The following MTF1 variants were observed in gnomAD, a reference collection of about 807,000 sequenced individuals.
The protein encoded by MTF1 is MRE-binding transcription factor.
A neutral mutation model predicts 70.4 loss-of-function variants in MTF1; 22 were observed. The observed-to-expected ratio is 0.31, with a 90% CI of 0.22 to 0.45. The LOEUF is 0.45. Among genes scored for constraint, MTF1 ranks in the 20% least tolerant of loss-of-function variants. The pLI is 1.00. For synonymous variants in MTF1, 333 were observed against 352.8 expected (o/e 0.94, Z 0.63); for missense variants, 649 against 922.0 (o/e 0.70, Z 3.83).
At chr1:37,855,740 T>C (rs1341744187) in intron 2 of MTF1, among the ~76,000 whole-genome samples, 2 of 152,132 alleles carry the variant, frequency 1.3e-5, no homozygotes, top group Non-Finnish European at 2.9e-5. Context: ...GTGGATCACC[T>C]GAGGTCAAGA....
rs764635102 is a variant in MTF1, at chr1:37,810,197, C to A, written c.*4939G>T. The A allele has an allele frequency of 6.6e-6, 1 of 152,340 alleles. No homozygotes were observed. Among genetic ancestry groups the A allele is most frequent in the Non-Finnish European group, 1.5e-5 (1 of 68,032 alleles). The allele number at this position is 152,340 out of a possible 1,614,324, so 9.4% of individuals were successfully genotyped here. A position where few individuals can be genotyped will look rare whatever the true frequency, so the allele number is the denominator to read the frequency against. On this transcript the variant is annotated 3_prime_UTR_variant, in exon 11 of 11. Transcript: ENST00000373036. Reference sequence around the variant, plus strand: ...AGAAAGCCTCTGACTTGGCACACTACGAGGATAACAAGGATATTGCAAAAA... The same window carrying A: ...AGAAAGCCTCTGACTTGGCACACTAAGAGGATAACAAGGATATTGCAAAAA...
At chr1:37,833,487 A>G (rs1413653897) in intron 6 of MTF1, among the ~76,000 whole-genome samples, 1 of 152,188 alleles carries the variant, frequency 6.6e-6, no homozygotes, top group Non-Finnish European at 1.5e-5. Context: ...TTCACACTTT[A>G]GGTGGTAGCC....
Position 37,812,522 on chromosome 1 carries a change from CTGTT to C in MTF1, c.*2610_*2613del, listed in dbSNP as rs1220949046. ...CTGGAAAAATCTGTCAGCCTAAACA[CTGTT>C]TAAGATGCTGCTTCGTCACCCCCGA... is the stretch of plus-strand genomic sequence containing the variant. On this transcript the variant is annotated 3_prime_UTR_variant, in exon 11 of 11. Coordinates refer to ENST00000373036, the MANE Select transcript of MTF1 (RefSeq NM_005955.3). 6.6e-6 allele frequency: 1 copy of C among 152,250 alleles called. No homozygotes were observed. Among genetic ancestry groups the C allele is most frequent in the Non-Finnish European group, 1.5e-5 (1 of 68,078 alleles). The allele number at this position is 152,250 out of a possible 1,614,324, so 9.4% of individuals were successfully genotyped here.
At position 37,813,611 on chromosome 1, in the gene MTF1, G is replaced by C. The variant is rs150934062; in HGVS notation, c.*1525C>G. 3.3e-5 allele frequency: 5 copies of C among 152,378 alleles called. No individual in the cohort carries two copies. The highest frequency in any genetic ancestry group is 1.2e-4 in the African/African-American group (5 of 41,592). 9.4% of individuals were successfully genotyped at this position (152,378 alleles called of 1,614,324 possible). ...CTGACACTGTTGGCTTAGAAGAGCAGCCTTGTTTGTGGAACACCACTCCTT... is the reference window on the plus strand; with the variant it reads ...CTGACACTGTTGGCTTAGAAGAGCACCCTTGTTTGTGGAACACCACTCCTT... On this transcript the variant is annotated 3_prime_UTR_variant, in exon 11 of 11. Transcript: ENST00000373036.
In MTF1 at chr1:37,814,265, C is replaced by G. The variant is rs1214552380; in HGVS notation, c.*871G>C. 6.6e-6 allele frequency: 1 copy of G among 152,208 alleles called. No homozygotes were observed. The highest frequency in any genetic ancestry group is 1.5e-5 in the Non-Finnish European group (1 of 68,068). The allele number at this position is 152,208 out of a possible 1,614,324, so 9.4% of individuals were successfully genotyped here. ...TACCATTAAAAAGAAGGCAGACCACCAAACAGCACTGGCCATAAGCCACAA... is the reference window on the plus strand; with the variant it reads ...TACCATTAAAAAGAAGGCAGACCACGAAACAGCACTGGCCATAAGCCACAA... On this transcript the variant is annotated 3_prime_UTR_variant, in exon 11 of 11. Coordinates refer to ENST00000373036, the MANE Select transcript of MTF1 (RefSeq NM_005955.3).
rs1411703787 is a variant in MTF1, at chr1:37,859,524, C to G, written c.-52+7G>C. ...AAGCCCAGGCCGAGTCTAGTTTCGC[C>G]TTTTACCTCCGCGGCTCCCGGCAAC... On this transcript the variant is annotated splice_region_variant and intron_variant, in intron 1 of 10. Coordinates refer to ENST00000373036, the MANE Select transcript of MTF1 (RefSeq NM_005955.3). The G allele has an allele frequency of 7.5e-6, 3 of 399,026 alleles. No individual in the cohort carries two copies. The highest frequency in any genetic ancestry group is 6.2e-5 in the African/African-American group (3 of 48,638). 24.7% of individuals were successfully genotyped at this position (399,026 alleles called of 1,614,324 possible).
intron 6 of MTF1, among the ~76,000 whole-genome samples, chr1:37,832,554 C>T (rs527984645): frequency 1.3e-5 from 2 of 152,258 alleles, no homozygotes; most frequent in African/African-American, 4.8e-5. Context: ...ATTATGTATA[C>T]ATGTACTATG....
chr1:37,826,627 T>C (rs1465429428), intron 7 of MTF1: 1 of 429,298 alleles, frequency 2.3e-6, no homozygotes. Context: ...GTGATTCCTT[T>C]TTTTTTTTTT....
intron 2 of MTF1, among the ~76,000 whole-genome samples, chr1:37,853,337 C>T (rs555130893): frequency 9.2e-5 from 14 of 152,348 alleles, no homozygotes; most frequent in African/African-American, 3.4e-4. Flanking sequence ...TCTCCTTCTA[C>T]TACTATGTTC....
intron 5 of MTF1, 81 bp downstream of exon 5, chr1:37,835,590 G>T: frequency 9.7e-7 from 1 of 1,027,752 alleles, no homozygotes; most frequent in Non-Finnish European, 1.5e-6. Flanking sequence ...CTATATCTCT[G>T]TATATCCACC....
intron 2 of MTF1, among the ~76,000 whole-genome samples, chr1:37,854,392 T>C (rs1201053881): frequency 6.6e-6 from 1 of 152,236 alleles, no homozygotes; most frequent in Non-Finnish European, 1.5e-5. Context: ...GAGAATAATC[T>C]AGAGCAGGGT....
At chr1:37,836,027 C>A (rs1406364198) in intron 4 of MTF1, among the ~76,000 whole-genome samples, 1 of 152,156 alleles carries the variant, frequency 6.6e-6, no homozygotes, top group Admixed American at 6.5e-5. Flanking sequence ...GTCTCGATCT[C>A]CTGACCTTGT....
rs1024277070 is a variant in MTF1, at chr1:37,822,505, G to C, written c.1383C>G (p.Pro461=). Residue 461 remains proline, a synonymous_variant, in exon 9 of 11, where the codon CCC becomes CCG. Coordinates refer to ENST00000373036, the MANE Select transcript of MTF1 (RefSeq NM_005955.3). ...PGSQQAAFGN[P]PALLQPPEVP... ...CTTCTGGAGGTTGTAAGAGAGCAGG[G>C]GGGTTGCCAAATGCAGCTTGCTGGG... 6.2e-7 allele frequency: 1 copy of C among 1,614,004 alleles called. No homozygotes were observed. The highest frequency in any genetic ancestry group is 1.3e-5 in the African/African-American group (1 of 74,900).
intron 7 of MTF1, among the ~76,000 whole-genome samples, chr1:37,829,113 CTCTT>C (rs969705878): frequency 7.4e-5 from 10 of 134,506 alleles, no homozygotes; most frequent in African/African-American, 2.3e-4. Context: ...TCCTGATTCT[CTCTT>C]TTTTTTCTTT....
chr1:37,844,438 G>A (rs540207563), intron 2 of MTF1, among the ~76,000 whole-genome samples: 1 of 152,242 alleles, frequency 6.6e-6, no homozygotes, highest in African/African-American at 2.4e-5. Flanking sequence ...CTAAATGCCA[G>A]TAATACTTAC....
At chr1:37,839,087 A>T (rs1478572858) in intron 3 of MTF1, among the ~76,000 whole-genome samples, 1 of 152,156 alleles carries the variant, frequency 6.6e-6, no homozygotes, top group Non-Finnish European at 1.5e-5. Context: ...AACAGGCATG[A>T]GCCACTGCGC....
At chr1:37,847,417 A>G (rs1641349867) in intron 2 of MTF1, among the ~76,000 whole-genome samples, 1 of 152,204 alleles carries the variant, frequency 6.6e-6, no homozygotes, top group South Asian at 2.1e-4. Flanking sequence ...AAGAAAATTA[A>G]ATACAAAACT....
At chr1:37,856,539 G>A (rs1432132968) in intron 2 of MTF1, among the ~76,000 whole-genome samples, 4 of 132,978 alleles carry the variant, frequency 3.0e-5, no homozygotes, top group Non-Finnish European at 4.7e-5. Flanking sequence ...TCACTCTATC[G>A]CCCAGGCTGG....
chr1:37,812,206 T>G lies in MTF1; in HGVS notation c.*2930A>C, dbSNP rs1640749498. The G allele has an allele frequency of 6.6e-6, 1 of 152,232 alleles. No individual in the cohort carries two copies. The highest frequency in any genetic ancestry group is 2.1e-4 in the South Asian group (1 of 4,834). 9.4% of individuals were successfully genotyped at this position (152,232 alleles called of 1,614,324 possible). Reference sequence around the variant, plus strand: ...TCACCCTAGGTTCATTTCCCAAGTTTGGGAAACCACACTCACCATGAAGGT... The same window carrying G: ...TCACCCTAGGTTCATTTCCCAAGTTGGGGAAACCACACTCACCATGAAGGT... On this transcript the variant is annotated 3_prime_UTR_variant, in exon 11 of 11. Transcript: ENST00000373036.
Sources: allele counts gnomAD v4.1 joint callset (sites outside exome capture counted in the v4.1 genomes callset), GRCh38; gene constraint gnomAD v4.1.1; transcripts MANE v1.5; gene names NCBI Gene and HGNC (gene_info 2026-07-23, HGNC 2026-07-21).